The following KIZ variants were observed in gnomAD, a reference collection of about 807,000 sequenced individuals.
KIZ encodes kizuna centrosomal protein.
Under a neutral mutation model 79.6 loss-of-function variants are expected in KIZ, and 68 were observed. The ratio of observed to expected loss-of-function variants is 0.85; its 90% CI spans 0.70 to 1.05. The LOEUF (loss-of-function observed/expected upper bound fraction) is 1.05. KIZ is among the 50% of genes least tolerant of loss of function. The probability of loss-of-function intolerance (pLI) is 0.00; values close to 1 mark genes in which losing one functional copy is unlikely to be tolerated. For missense variants in KIZ, 797 were observed against 800.4 expected (o/e 1.00, Z 0.05); for synonymous variants, 280 against 281.8 (o/e 0.99, Z 0.06).
intron 11 of KIZ, among the ~76,000 whole-genome samples, chr20:21,233,126 A>T (rs573573081): frequency 6.6e-6 from 1 of 152,222 alleles, no homozygotes; most frequent in Non-Finnish European, 1.5e-5. Flanking sequence ...AGACCACACA[A>T]TGGAGGTTGT....
At chr20:21,219,186 G>GCTT (rs2036415707) in intron 9 of KIZ, among the ~76,000 whole-genome samples, 2 of 69,954 alleles carry the variant, frequency 2.9e-5, no homozygotes, top group Admixed American at 1.5e-4. Context: ...ATACCAGGTA[G>GCTT]AATATTTATC....
At chr20:21,166,765 G>T (rs934230289) in intron 6 of KIZ, among the ~76,000 whole-genome samples, 5 of 151,588 alleles carry the variant, frequency 3.3e-5, no homozygotes, top group African/African-American at 1.2e-4. Context: ...GCCAATTTTT[G>T]TATTTTTAGT....
chr20:21,184,362 G>C (rs2034787209), intron 6 of KIZ, among the ~76,000 whole-genome samples: 2 of 152,034 alleles, frequency 1.3e-5, no homozygotes, highest in South Asian at 4.2e-4. Context: ...TGTTAGCCAG[G>C]CTGGTCTCGA....
chr20:21,163,247 C>G, intron 6 of KIZ, 88 bp downstream of exon 6: 1 of 892,876 alleles, frequency 1.1e-6, no homozygotes, highest in Non-Finnish European at 1.7e-6. Context: ...TATTATCGAG[C>G]ACTCAGCCAT....
intron 4 of KIZ, among the ~76,000 whole-genome samples, chr20:21,159,509 C>T (rs1435526107): frequency 6.6e-6 from 1 of 151,994 alleles, no homozygotes; most frequent in Admixed American, 6.6e-5. Context: ...TTCTACTCCC[C>T]ACCACCCACC....
At chr20:21,225,703 T>C (rs1260552756) in intron 9 of KIZ, among the ~76,000 whole-genome samples, 1 of 152,212 alleles carries the variant, frequency 6.6e-6, no homozygotes, top group Non-Finnish European at 1.5e-5. Flanking sequence ...ACTGTCTTTC[T>C]TCCTTCTAAA....
Position 21,161,809 on chromosome 20 carries a change from A to AG in KIZ, c.406-62_406-61insG, listed in dbSNP as rs2033671482. On this transcript the variant is annotated intron_variant, in intron 4 of 12. Transcript: ENST00000619189. ...CCTCCTTTCATTTCTGGAAAAAAAA[A>AG]AAAACCCCACCTAATTGTTTATACA... 3 of 1,209,300 alleles carry AG rather than the reference A, an allele frequency of 2.5e-6. No homozygotes were observed. The South Asian group carries it at 4.8e-5, about 19-fold the overall frequency. 74.9% of individuals were successfully genotyped at this position (1,209,300 alleles called of 1,614,324 possible).
intron 3 of KIZ, among the ~76,000 whole-genome samples, chr20:21,141,767 A>G (rs1174817382): frequency 1.3e-5 from 2 of 151,648 alleles, no homozygotes; most frequent in Non-Finnish European, 2.9e-5. Context: ...CTCTGCCTGC[A>G]CAGAGCAGCC....
intron 11 of KIZ, among the ~76,000 whole-genome samples, chr20:21,234,641 G>A (rs528349463): frequency 3.3e-5 from 5 of 151,942 alleles, no homozygotes; most frequent in East Asian, 1.9e-4. Flanking sequence ...AAGTGGTCTC[G>A]AAACCCGGTA....
intron 1 of KIZ, among the ~76,000 whole-genome samples, chr20:21,128,619 T>C (rs1568899323): frequency 1.3e-5 from 2 of 152,218 alleles, no homozygotes; most frequent in African/African-American, 4.8e-5. Context: ...GTGTACAGTG[T>C]TTTTTCTGCA....
chr20:21,170,463 A>G (rs966950775), intron 6 of KIZ, among the ~76,000 whole-genome samples: 3 of 148,366 alleles, frequency 2.0e-5, no homozygotes, highest in African/African-American at 5.0e-5. Flanking sequence ...ATCTCAGCTC[A>G]CTGCAAGCTC....
intron 2 of KIZ, among the ~76,000 whole-genome samples, chr20:21,133,726 G>T (rs1278020660): frequency 2.0e-5 from 3 of 152,240 alleles, no homozygotes; most frequent in Non-Finnish European, 4.4e-5. Context: ...TGTATAAGTG[G>T]TAATTTATTT....
At chr20:21,156,484 A>G (rs976720805) in intron 4 of KIZ, among the ~76,000 whole-genome samples, 1 of 152,172 alleles carries the variant, frequency 6.6e-6, no homozygotes, top group Non-Finnish European at 1.5e-5. Context: ...GTTTGTGGTG[A>G]TGCTGGTGTC....
chr20:21,161,747 TG>T, intron 4 of KIZ, 123 bp from the exon 5 acceptor site: 1 of 630,418 alleles, frequency 1.6e-6, no homozygotes, highest in Non-Finnish European at 2.8e-6. Flanking sequence ...TAATAATACA[TG>T]GTAGGTGCTG....
intron 6 of KIZ, among the ~76,000 whole-genome samples, chr20:21,169,786 G>A (rs1278776377): frequency 6.6e-6 from 1 of 152,096 alleles, no homozygotes; most frequent in Non-Finnish European, 1.5e-5. Context: ...TTAGTGTCTT[G>A]TCTTTTCCAG....
chr20:21,142,056 G>C (rs2032576632), intron 3 of KIZ, among the ~76,000 whole-genome samples: 1 of 149,018 alleles, frequency 6.7e-6, no homozygotes, highest in African/African-American at 2.5e-5. Flanking sequence ...TCTTCCCACT[G>C]TCTCTCTACA....
intron 4 of KIZ, among the ~76,000 whole-genome samples, chr20:21,146,168 A>G (rs1009751979): frequency 2.0e-5 from 3 of 152,214 alleles, no homozygotes; most frequent in African/African-American, 7.2e-5. Flanking sequence ...GCCTATCTCC[A>G]TATAAATGAT....
chr20:21,165,784 T>C (rs2033901494), intron 6 of KIZ, among the ~76,000 whole-genome samples: 1 of 152,194 alleles, frequency 6.6e-6, no homozygotes, highest in Non-Finnish European at 1.5e-5. Flanking sequence ...GCTAGTCAAA[T>C]GAAAATTATC....
intron 6 of KIZ, among the ~76,000 whole-genome samples, chr20:21,203,996 A>G (rs1436597570): frequency 1.3e-5 from 2 of 149,710 alleles, no homozygotes; most frequent in Non-Finnish European, 3.0e-5. Context: ...TTCTATCTTT[A>G]TGAATTTGAC....
Sources: allele counts gnomAD v4.1 joint callset (sites outside exome capture counted in the v4.1 genomes callset), GRCh38; gene constraint gnomAD v4.1.1; transcripts MANE v1.5; gene names NCBI Gene and HGNC (gene_info 2026-07-23, HGNC 2026-07-21).